The following PAK5 variants were observed in gnomAD, a reference collection of about 807,000 sequenced individuals.
PAK5 encodes the protein serine/threonine-protein kinase PAK 5.
A neutral mutation model predicts 65.9 loss-of-function variants in PAK5; 16 were observed. The observed-to-expected ratio is 0.24, with a 90% CI of 0.16 to 0.37. The LOEUF is 0.37. Among genes scored for constraint, PAK5 ranks in the 10% least tolerant of loss-of-function variants. PAK5 has a pLI of 1.00. For synonymous variants in PAK5, 371 were observed against 354.9 expected (o/e 1.05, Z -0.51); for missense variants, 785 against 903.9 (o/e 0.87, Z 1.69).
At chr20:9,693,001 T>G (rs1173315781) in intron 2 of PAK5, among the ~76,000 whole-genome samples, 4 of 152,210 alleles carry the variant, frequency 2.6e-5, no homozygotes, top group African/African-American at 9.6e-5. Flanking sequence ...ACTGCCACAG[T>G]AGCAATGCTA....
At chr20:9,743,800 G>C (rs1223351067) in intron 1 of PAK5, among the ~76,000 whole-genome samples, 3 of 152,110 alleles carry the variant, frequency 2.0e-5, no homozygotes, top group African/African-American at 7.2e-5. Context: ...GCTGAAAATG[G>C]CCCCTCAAAA....
At chr20:9,831,546 C>T (rs562549235) in intron 1 of PAK5, among the ~76,000 whole-genome samples, 9 of 152,318 alleles carry the variant, frequency 5.9e-5, no homozygotes, top group South Asian at 4.1e-4. Flanking sequence ...CTCACTCTGT[C>T]GCCCAGGCTG....
intron 1 of PAK5, among the ~76,000 whole-genome samples, chr20:9,830,567 C>A (rs1255760756): frequency 6.6e-6 from 1 of 152,146 alleles, no homozygotes; most frequent in Non-Finnish European, 1.5e-5. Flanking sequence ...GATCTATTTC[C>A]ATATTATACC....
chr20:9,610,755 C>T (rs2046543950), intron 3 of PAK5, among the ~76,000 whole-genome samples: 1 of 152,126 alleles, frequency 6.6e-6, no homozygotes, highest in African/African-American at 2.4e-5. Context: ...TTATTGCTGT[C>T]ATTTGAATGT....
intron 2 of PAK5, among the ~76,000 whole-genome samples, chr20:9,697,384 A>G (rs889929722): frequency 6.6e-6 from 1 of 151,936 alleles, no homozygotes; most frequent in Non-Finnish European, 1.5e-5. Context: ...GTGTTTCTCC[A>G]TGTTGTTTTA....
intron 7 of PAK5, among the ~76,000 whole-genome samples, chr20:9,555,926 G>A (rs527529021): frequency 6.6e-6 from 1 of 152,344 alleles, no homozygotes; most frequent in Non-Finnish European, 1.5e-5. Context: ...CTGAGAGCCA[G>A]CTGACTGCCA....
chr20:9,562,594 C>T (rs2045607756), intron 6 of PAK5, among the ~76,000 whole-genome samples: 1 of 152,152 alleles, frequency 6.6e-6, no homozygotes, highest in Non-Finnish European at 1.5e-5. Context: ...CTTTAGAAAT[C>T]TATATAGGCG....
At chr20:9,628,910 C>T (rs2046884449) in intron 3 of PAK5, among the ~76,000 whole-genome samples, 1 of 152,168 alleles carries the variant, frequency 6.6e-6, no homozygotes, top group African/African-American at 2.4e-5. Flanking sequence ...GGGTAGATGT[C>T]CCAACTTCCT....
intron 1 of PAK5, among the ~76,000 whole-genome samples, chr20:9,743,747 A>ATTTC (rs1455776655): frequency 1.3e-5 from 2 of 152,198 alleles, no homozygotes; most frequent in African/African-American, 2.4e-5. Flanking sequence ...GAGTAAGTAA[A>ATTTC]TATTTCAAGG....
intron 1 of PAK5, among the ~76,000 whole-genome samples, chr20:9,790,484 G>T (rs1025707197): frequency 1.3e-5 from 2 of 152,006 alleles, no homozygotes; most frequent in African/African-American, 4.8e-5. Context: ...CTTAAAAAAA[G>T]CCAACTTATA....
chr20:9,791,092 T>C (rs1394757652), intron 1 of PAK5, among the ~76,000 whole-genome samples: 1 of 152,152 alleles, frequency 6.6e-6, no homozygotes, highest in Non-Finnish European at 1.5e-5. Flanking sequence ...TTCAGCGTCA[T>C]TTCTCTCACC....
At chr20:9,787,076 C>A (rs2049000392) in intron 1 of PAK5, among the ~76,000 whole-genome samples, 1 of 152,136 alleles carries the variant, frequency 6.6e-6, no homozygotes, top group Admixed American at 6.6e-5. Context: ...ACTAGTAAGG[C>A]AACAGTGATG....
intron 3 of PAK5, among the ~76,000 whole-genome samples, chr20:9,592,400 A>G (rs969046069): frequency 3.3e-5 from 5 of 152,218 alleles, no homozygotes; most frequent in African/African-American, 7.2e-5. Context: ...AAGTCAGAGT[A>G]CTAGTTACCC....
At chr20:9,626,518 C>A (rs1310824977) in intron 3 of PAK5, among the ~76,000 whole-genome samples, 1 of 152,146 alleles carries the variant, frequency 6.6e-6, no homozygotes, top group Non-Finnish European at 1.5e-5. Context: ...GTGTATCTGG[C>A]AGTTGCCATG....
intron 1 of PAK5, among the ~76,000 whole-genome samples, chr20:9,792,255 C>T (rs1004626509): frequency 6.6e-6 from 1 of 152,020 alleles, no homozygotes; most frequent in Non-Finnish European, 1.5e-5. Flanking sequence ...TCCAAGTAAC[C>T]ATCTCTCACT....
intron 2 of PAK5, among the ~76,000 whole-genome samples, chr20:9,686,807 GTT>G (rs1174463037): frequency 2.0e-5 from 3 of 152,148 alleles, no homozygotes; most frequent in East Asian, 1.9e-4. Flanking sequence ...GAAGTTTAAA[GTT>G]GCCCCTCATG....
At chr20:9,730,088 T>C (rs915689267) in intron 1 of PAK5, among the ~76,000 whole-genome samples, 1 of 151,150 alleles carries the variant, frequency 6.6e-6, no homozygotes, top group South Asian at 2.1e-4. Context: ...TGCTAAATCA[T>C]GTTCTCCTAA....
chr20:9,824,145 G>T lies in PAK5; in HGVS notation c.-162+14617C>A, dbSNP rs368452843. On this transcript the variant is annotated intron_variant, in intron 1 of 9. Transcript: ENST00000353224. The stretch of plus-strand genomic sequence containing the variant: ...TCTTTCTATAACCAAACAAAAAACT[G>T]AACAAATACCTAGTATGTGCCATAA... 7.2e-5 allele frequency among the ~76,000 whole-genome samples: 11 copies of T among 152,200 alleles called. No homozygotes were observed. The South Asian group carries it at 1.9e-3, about 26-fold the overall frequency.
At chr20:9,754,477 G>A (rs1057188043) in intron 1 of PAK5, among the ~76,000 whole-genome samples, 1 of 152,050 alleles carries the variant, frequency 6.6e-6, no homozygotes, top group Non-Finnish European at 1.5e-5. Flanking sequence ...TGATTTGGGT[G>A]GTGCCAGGTG....
Sources: gnomAD v4.1 joint callset for allele counts (sites outside exome capture counted in the v4.1 genomes callset) on GRCh38, gnomAD v4.1.1 for gene constraint, MANE v1.5 for transcripts, NCBI Gene and HGNC (gene_info 2026-07-23, HGNC 2026-07-21) for gene names.